Variants in FCF1 observed in about 807,000 individuals in gnomAD.
FCF1 encodes rRNA-processing protein FCF1 homolog.
In FCF1, 17 loss-of-function variants were observed where a neutral mutation model predicts 32.5. That is an observed-to-expected ratio of 0.52 (90% CI 0.36 to 0.78). FCF1 has a LOEUF of 0.78. FCF1 is among the 30% of genes least tolerant of loss of function. The probability of loss-of-function intolerance (pLI) is 0.00; values close to 1 mark genes in which losing one functional copy is unlikely to be tolerated. For missense variants in FCF1, 201 were observed against 241.1 expected, an observed-to-expected ratio of 0.83 and a Z score of 1.10; for synonymous variants, 84 against 78.4, an observed-to-expected ratio of 1.07 and a Z score of -0.38.
At chr14:74,713,614 T>C in intron 2 of FCF1, 62 bp downstream of exon 2, 1 of 1,420,988 alleles carries the variant, frequency 7.0e-7, no homozygotes, top group Non-Finnish European at 9.8e-7. Context: ...GGATAAGTAG[T>C]AAAAATGTTT....
chr14:74,713,412 C>T (rs925279658), intron 1 of FCF1, 73 bp from the exon 2 acceptor site: 7 of 1,552,036 alleles, frequency 4.5e-6, no homozygotes, highest in African/African-American at 1.4e-5. Context: ...AGGCAATAGA[C>T]AAGAGAAAAG....
chr14:74,715,786 AATG>A (rs1344157122), intron 3 of FCF1, 162 bp from the exon 4 acceptor site: 16 of 1,508,370 alleles, frequency 1.1e-5, no homozygotes, highest in Admixed American at 9.8e-5. Context: ...AGATTAAGAT[AATG>A]ATATTACTTT....
intron 3 of FCF1, 78 bp from the exon 4 acceptor site, chr14:74,715,873 C>G: frequency 1.9e-6 from 3 of 1,607,926 alleles, no homozygotes; most frequent in Non-Finnish European, 2.5e-6. Flanking sequence ...CAGTCCCAAG[C>G]AGACTTCTTT....
intron 5 of FCF1, among the ~76,000 whole-genome samples, chr14:74,731,854 C>T (rs1348909225): frequency 6.6e-6 from 1 of 152,104 alleles, no homozygotes; most frequent in Non-Finnish European, 1.5e-5. Flanking sequence ...ATTTCAGTGA[C>T]TCATCATCAC....
intron 5 of FCF1, among the ~76,000 whole-genome samples, chr14:74,728,312 T>G (rs984352518): frequency 5.5e-4 from 84 of 152,250 alleles, no homozygotes; most frequent in Admixed American, 8.5e-4. Context: ...CTTGAAGAGG[T>G]CCTTCACATC....
At chr14:74,729,780 C>G (rs2090611432) in intron 5 of FCF1, among the ~76,000 whole-genome samples, 1 of 152,006 alleles carries the variant, frequency 6.6e-6, no homozygotes, top group Non-Finnish European at 1.5e-5. Context: ...TTGAATGCGT[C>G]CCAGAGATTC....
At chr14:74,730,069 T>C (rs113276557) in intron 5 of FCF1, among the ~76,000 whole-genome samples, 2 of 152,188 alleles carry the variant, frequency 1.3e-5, no homozygotes, top group Admixed American at 6.6e-5. Flanking sequence ...CTGAAAAAAA[T>C]GTATATTCTG....
In FCF1 at chr14:74,734,955, C is replaced by T. The variant is rs779513112; in HGVS notation, c.*25C>T. 6.2e-7 allele frequency: 1 copy of T among 1,603,008 alleles called. No individual in the cohort carries two copies. The highest frequency in any genetic ancestry group is 1.7e-5 in the Admixed American group (1 of 59,854). On this transcript the variant is annotated 3_prime_UTR_variant, in exon 8 of 8. Coordinates refer to ENST00000341162, the MANE Select transcript of FCF1 (RefSeq NM_015962.5). ...ATTCTTACAAGACACAGTTCCTCTG[C>T]CTTTCTTCGACCAACTTTCTCTTGT...
chr14:74,714,066 A>T (rs1297244561), intron 2 of FCF1, among the ~76,000 whole-genome samples: 2 of 152,238 alleles, frequency 1.3e-5, no homozygotes, highest in African/African-American at 2.4e-5. Context: ...AAGTGAAGTG[A>T]AATTCCCTAG....
chr14:74,726,466 T>C (rs1201699568), intron 5 of FCF1, among the ~76,000 whole-genome samples: 1 of 151,468 alleles, frequency 6.6e-6, no homozygotes, highest in East Asian at 1.9e-4. Context: ...CGAGACCCTG[T>C]CTCAAAAAAA....
At chr14:74,731,115 A>G (rs1004642949) in intron 5 of FCF1, among the ~76,000 whole-genome samples, 1 of 152,144 alleles carries the variant, frequency 6.6e-6, no homozygotes, top group South Asian at 2.1e-4. Context: ...GATTGTAGTC[A>G]TGATCCTCCA....
chr14:74,729,457 A>G (rs2090608330), intron 5 of FCF1, among the ~76,000 whole-genome samples: 1 of 151,904 alleles, frequency 6.6e-6, no homozygotes, highest in South Asian at 2.1e-4. Flanking sequence ...TATCCCCTTT[A>G]TCATTTTTTA....
At position 74,716,051 on chromosome 14, in the gene FCF1, G is replaced by A; in HGVS notation, c.244G>A (p.Ala82Thr). 1 of 1,613,916 alleles carries A rather than the reference G, an allele frequency of 6.2e-7. No homozygotes were observed. The highest frequency in any genetic ancestry group is 8.5e-7 in the Non-Finnish European group (1 of 1,179,924). ...CAACTTTATCAACTTTTCCATAAAA[G>A]CCAAACTGGACTTAGTGCAGTCAAT... is the stretch of plus-strand genomic sequence containing the variant. ...DTNFINFSIK[A>T]KLDLVQSMMD... The change falls in exon 4 of 8, where the codon GCC (alanine) becomes ACC (threonine). Residue 82 changes from alanine (A) to threonine (T), a missense_variant. Ala to Thr is a moderately conservative substitution (Grantham distance 58). Around this residue, in one of 3 missense-constraint regions of FCF1, gnomAD observed 121 missense variants for 147.8 expected, o/e 0.82. Transcript: ENST00000341162.
At chr14:74,721,397 A>G (rs1344990502) in intron 4 of FCF1, among the ~76,000 whole-genome samples, 1 of 152,154 alleles carries the variant, frequency 6.6e-6, no homozygotes, top group Non-Finnish European at 1.5e-5. Context: ...TTGGCCAGGA[A>G]TTCTTTTTTA....
At chr14:74,731,772 G>A (rs148075738) in intron 5 of FCF1, among the ~76,000 whole-genome samples, 154 of 152,176 alleles carry the variant, frequency 1.0e-3, no homozygotes, top group African/African-American at 3.5e-3. Flanking sequence ...TTGACCTAGC[G>A]CTGAACTACT....
chr14:74,714,881 G>T lies in FCF1; in HGVS notation c.81G>T (p.Lys27Asn), dbSNP rs377716020. Residue 27 changes from lysine (K) to asparagine (N), a missense_variant, in exon 3 of 8, where the codon AAG becomes AAT. This residue lies in a region of FCF1 where 76 missense variants were observed against 75.0 expected (regional missense o/e 1.01). Transcript: ENST00000341162. ...LSLRDQRLKEKDRLKPKKKEK... is the reference protein window; with the variant it reads ...LSLRDQRLKENDRLKPKKKEK... ...ACCTTTTTCTTCCTAGTAAAGAAAA[G>T]GATAGATTAAAACCTAAAAAGAAAG... The T allele has an allele frequency of 1.9e-6, 3 of 1,581,446 alleles. No individual in the cohort carries two copies. The highest frequency in any genetic ancestry group is 1.4e-5 in the African/African-American group (1 of 73,146).
At chr14:74,731,988 T>A (rs757172884) in intron 5 of FCF1, among the ~76,000 whole-genome samples, 1 of 152,140 alleles carries the variant, frequency 6.6e-6, no homozygotes, top group Non-Finnish European at 1.5e-5. Context: ...ATACATATAG[T>A]AAAAGGTAAA....
chr14:74,729,139 C>G (rs2140035825), intron 5 of FCF1, among the ~76,000 whole-genome samples: 1 of 152,296 alleles, frequency 6.6e-6, no homozygotes, highest in East Asian at 1.9e-4. Context: ...GGAGTATTCC[C>G]TCTTTTTCTG....
At chr14:74,727,925 G>A (rs201125104) in intron 5 of FCF1, among the ~76,000 whole-genome samples, 9 of 152,094 alleles carry the variant, frequency 5.9e-5, no homozygotes, top group Admixed American at 1.3e-4. Context: ...GATATGCGGC[G>A]TTATTTCTGA....
Sources: allele counts gnomAD v4.1 joint callset (sites outside exome capture counted in the v4.1 genomes callset), GRCh38; gene constraint gnomAD v4.1.1; regional missense constraint gnomAD v4.1.1; transcripts MANE v1.5; gene names NCBI Gene and HGNC (gene_info 2026-07-23, HGNC 2026-07-21).